The following LRRC4C variants were observed in gnomAD, a reference collection of about 807,000 sequenced individuals.
The protein encoded by LRRC4C is leucine-rich repeat-containing protein 4C.
In LRRC4C, 5 loss-of-function variants were observed where a neutral mutation model predicts 33.6. The observed-to-expected ratio is 0.15, with a 90% CI of 0.08 to 0.31. The LOEUF (loss-of-function observed/expected upper bound fraction) is 0.31. LRRC4C is among the 10% of genes least tolerant of loss of function. The probability of loss-of-function intolerance (pLI) is 1.00; values close to 1 mark genes in which losing one functional copy is unlikely to be tolerated. For missense variants in LRRC4C, 560 were observed against 796.7 expected (o/e 0.70, Z 3.58); for synonymous variants, 329 against 302.0 (o/e 1.09, Z -0.93).
chr11:40,232,043 G>A lies in LRRC4C; in HGVS notation c.-96+9476C>T, dbSNP rs571186758. On this transcript the variant is annotated intron_variant, in intron 5 of 6. Transcript: ENST00000528697. ...TTTCTTTGAGACAGAGTCTCGCTCTGTCACCCAGGCTGGAGTGCAGTGGCA... is the reference window on the plus strand; with the variant it reads ...TTTCTTTGAGACAGAGTCTCGCTCTATCACCCAGGCTGGAGTGCAGTGGCA... 2.6e-5 allele frequency among the ~76,000 whole-genome samples: 4 copies of A among 152,244 alleles called. No individual in the cohort carries two copies. The South Asian group carries it at 8.3e-4, about 32-fold the overall frequency.
At chr11:40,337,670 C>G (rs965856285) in intron 3 of LRRC4C, among the ~76,000 whole-genome samples, 1 of 152,012 alleles carries the variant, frequency 6.6e-6, no homozygotes, top group Non-Finnish European at 1.5e-5. Flanking sequence ...GGTTTGACAC[C>G]ATCATTCTTT....
chr11:40,760,787 GTA>G (rs72363035), intron 2 of LRRC4C, among the ~76,000 whole-genome samples: 62,018 of 140,334 alleles, frequency 0.44, 14,128 homozygotes, highest in Middle Eastern at 0.54. Flanking sequence ...ATTTTTGTGT[GTA>G]TATATATATA....
intron 4 of LRRC4C, among the ~76,000 whole-genome samples, chr11:40,317,383 T>A (rs1213148171): frequency 6.6e-6 from 1 of 152,086 alleles, no homozygotes; most frequent in African/African-American, 2.4e-5. Context: ...TAATGGGTTA[T>A]ACTTTCCACA....
chr11:40,170,679 C>T (rs186352488), intron 5 of LRRC4C, among the ~76,000 whole-genome samples: 19 of 152,290 alleles, frequency 1.2e-4, no homozygotes, highest in Admixed American at 1.2e-3. Flanking sequence ...GTAGCCAAAA[C>T]ATTAGGAATC....
chr11:41,370,564 A>G (rs1028753561), intron 1 of LRRC4C, among the ~76,000 whole-genome samples: 1 of 152,102 alleles, frequency 6.6e-6, no homozygotes. Flanking sequence ...TGCCGCCACC[A>G]TGTAAGAAGC....
intron 1 of LRRC4C, among the ~76,000 whole-genome samples, chr11:41,168,212 C>T (rs1027868943): frequency 5.3e-5 from 8 of 152,168 alleles, no homozygotes; most frequent in Admixed American, 5.2e-4. Context: ...GACCACCAGG[C>T]CAGCTGCTCT....
At chr11:40,444,558 T>C (rs1951545080) in intron 3 of LRRC4C, among the ~76,000 whole-genome samples, 1 of 152,028 alleles carries the variant, frequency 6.6e-6, no homozygotes. Flanking sequence ...CAAAATCATA[T>C]TTAAAAAGAA....
chr11:40,473,530 T>C (rs1199133474), intron 3 of LRRC4C, among the ~76,000 whole-genome samples: 1 of 152,132 alleles, frequency 6.6e-6, no homozygotes, highest in South Asian at 2.1e-4. Context: ...GCATTCCCTT[T>C]GACAACCGGC....
chr11:41,029,613 A>C (rs1043995937), intron 1 of LRRC4C, among the ~76,000 whole-genome samples: 1 of 151,796 alleles, frequency 6.6e-6, no homozygotes, highest in Non-Finnish European at 1.5e-5. Context: ...CTTTGGTAAG[A>C]CTGCTCGGCA....
intron 1 of LRRC4C, among the ~76,000 whole-genome samples, chr11:41,059,777 CACT>C (rs896276029): frequency 6.6e-6 from 1 of 152,118 alleles, no homozygotes; most frequent in Admixed American, 6.5e-5. Flanking sequence ...GTAATCCCAG[CACT>C]TTGGGAGGCT....
At chr11:40,118,691 T>G (rs185904420) in intron 6 of LRRC4C, among the ~76,000 whole-genome samples, 1 of 152,160 alleles carries the variant, frequency 6.6e-6, no homozygotes, top group East Asian at 1.9e-4. Context: ...CAGTAAAAAG[T>G]ACCCTCTATC....
intron 1 of LRRC4C, among the ~76,000 whole-genome samples, chr11:41,249,036 CTTCT>C (rs1565516578): frequency 6.7e-6 from 1 of 148,984 alleles, no homozygotes; most frequent in Non-Finnish European, 1.5e-5. Context: ...AAGATACTGT[CTTCT>C]TTTTTTTTTT....
intron 1 of LRRC4C, among the ~76,000 whole-genome samples, chr11:41,265,878 T>TTAA (rs200463588): frequency 1.6e-4 from 24 of 149,914 alleles, no homozygotes; most frequent in South Asian, 6.3e-4. Flanking sequence ...TTTCTTTTTT[T>TTAA]AAAAAAAAAA....
At chr11:41,211,652 C>G (rs1946827719) in intron 1 of LRRC4C, among the ~76,000 whole-genome samples, 1 of 152,184 alleles carries the variant, frequency 6.6e-6, no homozygotes, top group Non-Finnish European at 1.5e-5. Context: ...CTACAAAGGA[C>G]ATGAAGTCAT....
intron 4 of LRRC4C, among the ~76,000 whole-genome samples, chr11:40,262,230 A>C (rs1941901848): frequency 6.6e-6 from 1 of 151,846 alleles, no homozygotes; most frequent in African/African-American, 2.4e-5. Flanking sequence ...ATGAAAAAAA[A>C]GTTCATCATC....
At chr11:40,303,281 T>C (rs1374140909) in intron 4 of LRRC4C, among the ~76,000 whole-genome samples, 1 of 152,104 alleles carries the variant, frequency 6.6e-6, no homozygotes, top group South Asian at 2.1e-4. Context: ...TACAAAGTTT[T>C]ATTAATTTGC....
At chr11:40,707,746 C>T (rs560182066) in intron 2 of LRRC4C, among the ~76,000 whole-genome samples, 39 of 152,198 alleles carry the variant, frequency 2.6e-4, no homozygotes, top group Admixed American at 1.1e-3. Context: ...GGGAGGATTC[C>T]CTCTTTTTCT....
chr11:40,550,118 A>C (rs186586566), intron 3 of LRRC4C, among the ~76,000 whole-genome samples: 2 of 152,256 alleles, frequency 1.3e-5, no homozygotes, highest in Admixed American at 1.3e-4. Flanking sequence ...ATATCAAGGG[A>C]TCTGATGTGG....
intron 3 of LRRC4C, among the ~76,000 whole-genome samples, chr11:40,543,377 C>T (rs962822535): frequency 6.6e-6 from 1 of 152,058 alleles, no homozygotes; most frequent in Non-Finnish European, 1.5e-5. Flanking sequence ...CTTCTTTATG[C>T]CTTTGTTATA....
Sources: gnomAD v4.1 joint callset for allele counts (sites outside exome capture counted in the v4.1 genomes callset) on GRCh38, gnomAD v4.1.1 for gene constraint, MANE v1.5 for transcripts, NCBI Gene and HGNC (gene_info 2026-07-23, HGNC 2026-07-21) for gene names.